MGAT4C: variants seen among roughly 807,000 people sequenced by gnomAD.
The protein encoded by MGAT4C is alpha-1,3-mannosyl-glycoprotein 4-beta-N-acetylglucosaminyltransferase C.
MGAT4C carries 19 observed loss-of-function variants against 40.1 expected under a neutral mutation model. The observed-to-expected ratio is 0.47, with a 90% CI of 0.33 to 0.70. The LOEUF is 0.70. Ranked by LOEUF, MGAT4C falls within the 30% of genes least tolerant of loss-of-function variation. The pLI, the probability that MGAT4C is intolerant of heterozygous loss-of-function variation, is 0.02. For missense variants in MGAT4C, 491 were observed against 563.2 expected (o/e 0.87, Z 1.30); for synonymous variants, 181 against 187.1 (o/e 0.97, Z 0.27).
In MGAT4C at chr12:86,578,122, G is replaced by A. The variant is rs555675526; in HGVS notation, c.-228-142857C>T. Reference sequence around the variant, plus strand: ...CTCCAAATGGCAAGAATAGGATGAGGAGGACCTATCTGTGTGGTAAGGGAG... The same window carrying A: ...CTCCAAATGGCAAGAATAGGATGAGAAGGACCTATCTGTGTGGTAAGGGAG... On this transcript the variant is annotated intron_variant, in intron 2 of 7. Transcript: ENST00000548651. Among the ~76,000 whole-genome samples, 3 of 151,862 alleles carry A rather than the reference G, an allele frequency of 2.0e-5. No homozygotes were observed. In the South Asian group the frequency reaches 6.2e-4, roughly 32 times the overall value.
intron 1 of MGAT4C, among the ~76,000 whole-genome samples, chr12:86,247,550 A>C (rs917645127): frequency 3.3e-5 from 5 of 152,200 alleles, no homozygotes; most frequent in African/African-American, 1.2e-4. Context: ...TGTGTTAAGA[A>C]CCTGTAATAG....
At chr12:86,797,704 T>C (rs2058747084) in intron 1 of MGAT4C, among the ~76,000 whole-genome samples, 1 of 151,944 alleles carries the variant, frequency 6.6e-6, no homozygotes, top group Admixed American at 6.6e-5. Flanking sequence ...TTCTCCTGAT[T>C]TCAGCTAATG....
intron 1 of MGAT4C, among the ~76,000 whole-genome samples, chr12:86,744,504 C>T (rs932005030): frequency 3.3e-5 from 5 of 151,338 alleles, no homozygotes; most frequent in African/African-American, 1.2e-4. Context: ...CATTTTGGTT[C>T]ATCTAAAACT....
chr12:86,071,768 T>C (rs1292710614), intron 1 of MGAT4C, among the ~76,000 whole-genome samples: 1 of 152,170 alleles, frequency 6.6e-6, no homozygotes, highest in Non-Finnish European at 1.5e-5. Context: ...CATAATTAAC[T>C]AACTTGCACA....
intron 2 of MGAT4C, among the ~76,000 whole-genome samples, chr12:86,467,353 C>T (rs1226231616): frequency 2.0e-5 from 3 of 151,998 alleles, no homozygotes; most frequent in Non-Finnish European, 4.4e-5. Flanking sequence ...AAATAAAAAG[C>T]CAAAGTTAAA....
chr12:86,537,986 C>CTGGGA (rs1377348705), intron 2 of MGAT4C, among the ~76,000 whole-genome samples: 1 of 152,086 alleles, frequency 6.6e-6, no homozygotes, highest in Non-Finnish European at 1.5e-5. Flanking sequence ...ACTCGGGAGG[C>CTGGGA]TGAGGTAGGA....
chr12:86,792,394 C>T (rs1356987001), intron 1 of MGAT4C, among the ~76,000 whole-genome samples: 1 of 152,114 alleles, frequency 6.6e-6, no homozygotes, highest in Non-Finnish European at 1.5e-5. Context: ...TGAGCCAATA[C>T]ACCTTAGCCT....
chr12:86,376,840 GAGAC>G lies in MGAT4C; in HGVS notation c.-119-42717_-119-42714del, dbSNP rs1410022118. 1.3e-3 allele frequency among the ~76,000 whole-genome samples: 93 copies of G among 71,474 alleles called. 1 individual carries two copies. Among genetic ancestry groups the G allele is most frequent in the African/African-American group, 3.0e-3 (79 of 26,558 alleles). 46.9% of individuals were successfully genotyped at this position (71,474 alleles called of 152,430 possible). A position where few individuals can be genotyped will look rare whatever the true frequency, so the allele number is the denominator to read the frequency against. ...AGACAGAGAGAGAGAGAGAGAGAGA[GAGAC>G]AGAGAGAGAGAGAGAGAGAGAGAGG... On this transcript the variant is annotated intron_variant, in intron 3 of 7. Coordinates refer to the MGAT4C transcript ENST00000548651.
chr12:86,427,767 T>C lies in MGAT4C; in HGVS notation c.-120+7390A>G, dbSNP rs1022033901. ...TGGACGCGGTGGCTCATGCCTGTTA[T>C]CCCAGCACTCTGGGAGGCTGAGGAG... On this transcript the variant is annotated intron_variant, in intron 3 of 7. Coordinates refer to the MGAT4C transcript ENST00000548651. Among the ~76,000 whole-genome samples the C allele has an allele frequency of 5.3e-5, 8 of 152,330 alleles. 1 individual carries two copies. The highest frequency in any genetic ancestry group is 2.6e-4 in the Admixed American group (4 of 15,300).
chr12:86,669,629 T>A (rs1011905475), intron 2 of MGAT4C, among the ~76,000 whole-genome samples: 3 of 152,256 alleles, frequency 2.0e-5, no homozygotes, highest in Non-Finnish European at 4.4e-5. Flanking sequence ...CTGGTGCTCA[T>A]GTCTGCCACT....
intron 4 of MGAT4C, among the ~76,000 whole-genome samples, chr12:86,321,574 G>T (rs1042639398): frequency 6.6e-6 from 1 of 152,120 alleles, no homozygotes; most frequent in Non-Finnish European, 1.5e-5. Context: ...TTAAAATGCT[G>T]AAAATGGCCG....
intron 1 of MGAT4C, among the ~76,000 whole-genome samples, chr12:86,244,132 G>A (rs900420836): frequency 2.0e-5 from 3 of 152,072 alleles, no homozygotes; most frequent in East Asian, 1.9e-4. Context: ...TCATGCCTAC[G>A]CCTACACGCA....
chr12:86,412,505 G>A (rs1259246732), intron 3 of MGAT4C, among the ~76,000 whole-genome samples: 1 of 152,170 alleles, frequency 6.6e-6, no homozygotes, highest in Non-Finnish European at 1.5e-5. Context: ...TTTGCACAGG[G>A]CCTGTAGCCC....
chr12:86,027,397 T>C (rs966420006), intron 2 of MGAT4C, among the ~76,000 whole-genome samples: 6 of 151,924 alleles, frequency 3.9e-5, no homozygotes, highest in African/African-American at 1.4e-4. Context: ...AAATTATAAT[T>C]TTCTGTTTTA....
intron 2 of MGAT4C, among the ~76,000 whole-genome samples, chr12:86,640,036 C>A (rs1963334812): frequency 6.6e-6 from 1 of 151,560 alleles, no homozygotes; most frequent in Non-Finnish European, 1.5e-5. Flanking sequence ...CTAACCCATA[C>A]TTATTTATGC....
At chr12:86,174,257 C>T (rs1466727820) in intron 1 of MGAT4C, among the ~76,000 whole-genome samples, 1 of 151,612 alleles carries the variant, frequency 6.6e-6, no homozygotes, top group Admixed American at 6.6e-5. Context: ...TATGTACTTC[C>T]CTAGTCACTT....
intron 2 of MGAT4C, among the ~76,000 whole-genome samples, chr12:86,721,347 C>A (rs1329177645): frequency 6.6e-6 from 1 of 151,586 alleles, no homozygotes; most frequent in Non-Finnish European, 1.5e-5. Context: ...TTAGAAGAAA[C>A]ATAATTAAGA....
At chr12:86,187,962 G>A (rs960551109) in intron 1 of MGAT4C, among the ~76,000 whole-genome samples, 1 of 152,024 alleles carries the variant, frequency 6.6e-6, no homozygotes, top group Non-Finnish European at 1.5e-5. Context: ...TCCTAGATGA[G>A]GTGACCAAAG....
intron 2 of MGAT4C, among the ~76,000 whole-genome samples, chr12:86,653,679 T>G (rs1963763289): frequency 6.6e-6 from 1 of 151,942 alleles, no homozygotes; most frequent in Non-Finnish European, 1.5e-5. Context: ...ACAATAGTAA[T>G]ACTTAGAAAT....
Sources: gnomAD v4.1 joint callset for allele counts (sites outside exome capture counted in the v4.1 genomes callset) on GRCh38, gnomAD v4.1.1 for gene constraint, MANE v1.5 for transcripts, NCBI Gene and HGNC (gene_info 2026-07-23, HGNC 2026-07-21) for gene names.